LPIN2: variants seen among roughly 807,000 people sequenced by gnomAD.
LPIN2 encodes phosphatidate phosphatase LPIN2.
Under a neutral mutation model 111.4 loss-of-function variants are expected in LPIN2, and 55 were observed. The ratio of observed to expected loss-of-function variants is 0.49; its 90% CI spans 0.40 to 0.62. The LOEUF (loss-of-function observed/expected upper bound fraction) is 0.62. Ranked by LOEUF, LPIN2 falls within the 20% of genes least tolerant of loss-of-function variation. LPIN2 has a pLI of 0.00. For synonymous variants in LPIN2, 425 were observed against 414.0 expected, an observed-to-expected ratio of 1.03 and a Z score of -0.32; for missense variants, 992 against 1,112.1, an observed-to-expected ratio of 0.89 and a Z score of 1.54.
intron 7 of LPIN2, among the ~76,000 whole-genome samples, chr18:2,934,802 C>T (rs922949052): frequency 1.3e-5 from 2 of 152,124 alleles, no homozygotes; most frequent in African/African-American, 4.8e-5. Context: ...GCATTGGGAA[C>T]GAGGGCATTA....
intron 4 of LPIN2, among the ~76,000 whole-genome samples, chr18:2,950,044 T>C (rs538461876): frequency 1.1e-4 from 17 of 152,136 alleles, no homozygotes; most frequent in African/African-American, 4.1e-4. Flanking sequence ...AATGTTACAG[T>C]GAGCTATGAT....
At chr18:2,940,342 A>G (rs2077351719) in intron 5 of LPIN2, among the ~76,000 whole-genome samples, 1 of 152,224 alleles carries the variant, frequency 6.6e-6, no homozygotes, top group Non-Finnish European at 1.5e-5. Flanking sequence ...AAAAAGAAAA[A>G]GAAAAAAAAT....
intron 1 of LPIN2, among the ~76,000 whole-genome samples, chr18:3,003,744 G>C (rs964461531): frequency 6.6e-6 from 1 of 152,106 alleles, no homozygotes; most frequent in Non-Finnish European, 1.5e-5. Flanking sequence ...ACGTGTGTTT[G>C]AACAATATGA....
At chr18:2,927,956 G>A (rs2077159860) in intron 11 of LPIN2, 145 bp from the exon 12 acceptor site, 34 of 747,690 alleles carry the variant, frequency 4.5e-5, no homozygotes, top group South Asian at 4.0e-4. Flanking sequence ...TTCCTCTAGC[G>A]TTTTTAACAC....
chr18:2,922,014 C>T lies in LPIN2; in HGVS notation c.2327+33G>A, dbSNP rs374492517. Reference sequence around the variant, plus strand: ...GCCCAGCCCCGCCCACATGCTGGGGCGGTGGGCAGAGGGCTGCCTGCCGGA... The same window carrying T: ...GCCCAGCCCCGCCCACATGCTGGGGTGGTGGGCAGAGGGCTGCCTGCCGGA... On this transcript the variant is annotated intron_variant, in intron 17 of 19. Coordinates refer to ENST00000677752, the MANE Select transcript of LPIN2 (RefSeq NM_001375808.2). The T allele has an allele frequency of 5.2e-5, 83 of 1,601,118 alleles. 1 individual carries two copies. The highest frequency in any genetic ancestry group is 6.5e-5 in the Non-Finnish European group (76 of 1,172,772).
intron 2 of LPIN2, 45 bp from the exon 3 acceptor site, chr18:2,954,644 C>CTTCAAGT (rs755652575): frequency 7.4e-7 from 1 of 1,345,278 alleles, no homozygotes; most frequent in East Asian, 2.3e-5. Flanking sequence ...GGAGTCTTTC[C>CTTCAAGT]TTCAAGTTAA....
intron 1 of LPIN2, among the ~76,000 whole-genome samples, chr18:2,964,276 C>G (rs1473813174): frequency 9.9e-6 from 1 of 101,330 alleles, no homozygotes; most frequent in African/African-American, 3.8e-5. Flanking sequence ...GAGCAAGACT[C>G]CGTCTCAAAA....
At chr18:2,922,249 G>GAAAACAA in intron 16 of LPIN2, 50 bp from the exon 17 acceptor site, 1 of 1,556,460 alleles carries the variant, frequency 6.4e-7, no homozygotes, top group Non-Finnish European at 8.7e-7. Context: ...TAAGGGAAAA[G>GAAAACAA]AAAACAAAAA....
intron 1 of LPIN2, among the ~76,000 whole-genome samples, chr18:2,986,637 AG>A (rs1463532228): frequency 6.6e-6 from 1 of 152,064 alleles, no homozygotes; most frequent in Non-Finnish European, 1.5e-5. Context: ...TAAGAATTAG[AG>A]GATGCTCAGT....
chr18:2,983,071 C>T (rs2078136807), intron 1 of LPIN2, among the ~76,000 whole-genome samples: 2 of 152,196 alleles, frequency 1.3e-5, no homozygotes. Flanking sequence ...GCCACTGCAG[C>T]TTCCATCACA....
At chr18:2,989,030 T>A (rs542584994) in intron 1 of LPIN2, among the ~76,000 whole-genome samples, 1 of 152,328 alleles carries the variant, frequency 6.6e-6, no homozygotes, top group East Asian at 1.9e-4. Context: ...CAAGCACTAT[T>A]TATTTAGTAT....
intron 1 of LPIN2, among the ~76,000 whole-genome samples, chr18:3,007,163 G>T (rs964679728): frequency 4.0e-5 from 6 of 151,870 alleles, no homozygotes; most frequent in South Asian, 2.1e-4. Context: ...TATTTAGTTA[G>T]TTATTTATTT....
chr18:2,990,296 T>C (rs1024593762), intron 1 of LPIN2, among the ~76,000 whole-genome samples: 11 of 152,138 alleles, frequency 7.2e-5, no homozygotes, highest in Non-Finnish European at 1.5e-4. Context: ...TAACAAAAAC[T>C]AGATAAATTG....
Position 2,926,790 on chromosome 18 carries a change from C to A in LPIN2, c.1726G>T (p.Glu576Ter), listed in dbSNP as rs946046520. The A allele has an allele frequency of 2.5e-6, 4 of 1,613,726 alleles. No individual in the cohort carries two copies. Among genetic ancestry groups the A allele is most frequent in the African/African-American group, 1.3e-5 (1 of 74,920 alleles). Reference protein sequence around the residue: ...SMTKQLPESKEGKSEAPPASD... With the variant: ...SMTKQLPESK Reference sequence around the variant, plus strand: ...GCTGGCGGTGCCTCAGATTTTCCCTCCTTGGATTCTGGCAGCTGTAACAGC... The same window carrying A: ...GCTGGCGGTGCCTCAGATTTTCCCTACTTGGATTCTGGCAGCTGTAACAGC... Residue 576 changes from glutamate to a stop codon, truncating the protein, a stop_gained, in exon 13 of 20, where the codon GAG (glutamate) becomes TAG (stop). Coordinates refer to ENST00000677752, the MANE Select transcript of LPIN2 (RefSeq NM_001375808.2). LOFTEE classifies it high-confidence loss of function.
At position 2,919,872 on chromosome 18, in the gene LPIN2, C is replaced by CT. The variant is rs2077027175; in HGVS notation, c.*420dup. The CT allele has an allele frequency of 3.7e-6, 1 of 268,534 alleles. No homozygotes were observed. Among genetic ancestry groups the CT allele is most frequent in the Non-Finnish European group, 7.4e-6 (1 of 135,006 alleles). The allele number at this position is 268,534 out of a possible 1,614,324, so 16.6% of individuals were successfully genotyped here. ...CTGGGCCCGCAGCAGTTCAGGGACC[C>CT]TGACATCTGAAGACAGCCCTGGTTA... On this transcript the variant is annotated 3_prime_UTR_variant, in exon 20 of 20. Transcript: ENST00000677752.
intron 7 of LPIN2, 58 bp from the exon 8 acceptor site, chr18:2,934,508 A>G: frequency 9.3e-7 from 1 of 1,078,880 alleles, no homozygotes; most frequent in Non-Finnish European, 1.4e-6. Flanking sequence ...ACAGCTCTGC[A>G]AAACACACGC....
At chr18:2,958,784 T>C (rs555829634) in intron 2 of LPIN2, among the ~76,000 whole-genome samples, 1 of 152,266 alleles carries the variant, frequency 6.6e-6, no homozygotes, top group South Asian at 2.1e-4. Flanking sequence ...ATTTCCTAAA[T>C]TAGAGGCACA....
At chr18:2,952,899 C>T (rs1300697085) in intron 3 of LPIN2, among the ~76,000 whole-genome samples, 2 of 152,108 alleles carry the variant, frequency 1.3e-5, no homozygotes, top group Non-Finnish European at 2.9e-5. Context: ...TAGAACTAGA[C>T]TTGAAAAGAA....
chr18:3,011,524 T>C (rs1490916737), intron 1 of LPIN2, among the ~76,000 whole-genome samples: 1 of 152,020 alleles, frequency 6.6e-6, no homozygotes, highest in Non-Finnish European at 1.5e-5. Flanking sequence ...CGGTCTCTAA[T>C]AAAAATACAA....
Sources: gnomAD v4.1 joint callset for allele counts (sites outside exome capture counted in the v4.1 genomes callset) on GRCh38, gnomAD v4.1.1 for gene constraint, MANE v1.5 for transcripts, NCBI Gene and HGNC (gene_info 2026-07-23, HGNC 2026-07-21) for gene names.